TSPEAR: variants seen among roughly 807,000 people sequenced by gnomAD.
TSPEAR encodes the protein thrombospondin-type laminin G domain and EAR repeat-containing protein.
TSPEAR carries 69 observed loss-of-function variants against 71.6 expected under a neutral mutation model. The observed-to-expected ratio is 0.96, with a 90% CI of 0.79 to 1.18. The LOEUF is 1.18. Ranked by LOEUF, TSPEAR falls within the 50% of genes most tolerant of loss-of-function variation. The pLI, the probability that TSPEAR is intolerant of heterozygous loss-of-function variation, is 0.00. For synonymous variants in TSPEAR, 402 were observed against 387.2 expected, an observed-to-expected ratio of 1.04 and a Z score of -0.45; for missense variants, 971 against 894.9, an observed-to-expected ratio of 1.09 and a Z score of -1.09.
At chr21:44,670,855 AC>A (rs1555945789) in intron 1 of TSPEAR, among the ~76,000 whole-genome samples, 3 of 152,148 alleles carry the variant, frequency 2.0e-5, no homozygotes. Flanking sequence ...GCCGAATCCC[AC>A]AACCCCCACC....
intron 2 of TSPEAR, among the ~76,000 whole-genome samples, chr21:44,547,796 C>G (rs1247332268): frequency 6.6e-6 from 1 of 150,816 alleles, no homozygotes; most frequent in Non-Finnish European, 1.5e-5. Context: ...TCTTCACTTC[C>G]TGCTTGCACC....
rs1185991767 is a variant in TSPEAR, at chr21:44,687,510, G to A, written c.82+23923C>T. 2.6e-5 allele frequency among the ~76,000 whole-genome samples: 4 copies of A among 152,212 alleles called. No individual in the cohort carries two copies. Among genetic ancestry groups the A allele is most frequent in the African/African-American group, 7.2e-5 (3 of 41,448 alleles). ...GGAACGCATCGCAGAAACACCGCGC[G>A]GGGTGGGAGAGGCCGGCACCAGAGG... is the stretch of plus-strand genomic sequence containing the variant. On this transcript the variant is annotated intron_variant, in intron 1 of 11. Transcript: ENST00000323084. This position sits in a 1 kb window ranked among gnomAD's most constrained non-coding sequence, Gnocchi z 4.4.
At chr21:44,572,465 G>A (rs1243545249) in intron 1 of TSPEAR, among the ~76,000 whole-genome samples, 1 of 152,102 alleles carries the variant, frequency 6.6e-6, no homozygotes, top group Non-Finnish European at 1.5e-5. Flanking sequence ...ACGAGGTCAA[G>A]CCACACCTCA....
intron 11 of TSPEAR, among the ~76,000 whole-genome samples, chr21:44,501,226 G>A (rs968776755): frequency 6.6e-6 from 1 of 152,170 alleles, no homozygotes; most frequent in African/African-American, 2.4e-5. Context: ...GAGGCGGGCA[G>A]ATCACTTGAG....
intron 1 of TSPEAR, among the ~76,000 whole-genome samples, chr21:44,696,236 A>G (rs1987326727): frequency 6.6e-6 from 1 of 152,094 alleles, no homozygotes; most frequent in African/African-American, 2.4e-5. Context: ...CATCAATCCC[A>G]CACCGCCATG....
At chr21:44,554,608 A>G (rs2053496703) in intron 2 of TSPEAR, among the ~76,000 whole-genome samples, 1 of 152,256 alleles carries the variant, frequency 6.6e-6, no homozygotes, top group Non-Finnish European at 1.5e-5. Context: ...ATTGAATGGC[A>G]GTGATAATAT....
chr21:44,709,845 T>C (rs1191454902), intron 1 of TSPEAR, among the ~76,000 whole-genome samples: 7 of 152,256 alleles, frequency 4.6e-5, no homozygotes, highest in Admixed American at 4.6e-4. Flanking sequence ...GGCTGGCCCT[T>C]ATGCTAGTCT....
chr21:44,685,726 C>G (rs2838635), intron 1 of TSPEAR, among the ~76,000 whole-genome samples: 74,808 of 151,980 alleles, frequency 0.49, 18,560 homozygotes, highest in South Asian at 0.55. Context: ...CTTATTGAAC[C>G]CTCTACCCCC....
chr21:44,681,893 C>G, intron 1 of TSPEAR: 1 of 1,614,140 alleles, frequency 6.2e-7, no homozygotes, highest in Non-Finnish European at 8.5e-7. Flanking sequence ...TGCAGGAAGG[C>G]TGGCAGCACC....
rs1979228822 is a variant in TSPEAR, at chr21:44,584,711, C to T, written c.83-16706G>A. 2.0e-5 allele frequency among the ~76,000 whole-genome samples: 3 copies of T among 152,154 alleles called. No individual in the cohort carries two copies. The South Asian group carries it at 6.2e-4, about 32-fold the overall frequency. On this transcript the variant is annotated intron_variant, in intron 1 of 11. Transcript: ENST00000323084. ...GAAGATCTCTGTCTTCTTCTGAGCT[C>T]TGGAATATTTCAAGTATCACAGGAA...
intron 1 of TSPEAR, chr21:44,600,748 G>A (rs376631519): frequency 2.5e-5 from 40 of 1,610,114 alleles, no homozygotes; most frequent in African/African-American, 1.7e-4. Context: ...GAGCTGCTGC[G>A]AGCCCCCCTG....
At position 44,658,032 on chromosome 21, in the gene TSPEAR, G is replaced by A. The variant is rs1555942896; in HGVS notation, c.82+53401C>T. On this transcript the variant is annotated intron_variant, in intron 1 of 11. Coordinates refer to ENST00000323084, the MANE Select transcript of TSPEAR (RefSeq NM_144991.3). Reference sequence around the variant, plus strand: ...TGCCAGCCAACCTGCTGCATACACAGCCCCTGCCAGGCATCCTGCTATGTG... The same window carrying A: ...TGCCAGCCAACCTGCTGCATACACAACCCCTGCCAGGCATCCTGCTATGTG... 2.5e-6 allele frequency: 4 copies of A among 1,613,968 alleles called. No homozygotes were observed. In the South Asian group the frequency reaches 4.4e-5, roughly 18 times the overall value.
intron 1 of TSPEAR, among the ~76,000 whole-genome samples, chr21:44,635,429 G>C (rs1340682383): frequency 6.6e-6 from 1 of 151,562 alleles, no homozygotes; most frequent in Non-Finnish European, 1.5e-5. Flanking sequence ...AAGTGCATTA[G>C]CAGATGAATG....
chr21:44,568,729 T>C (rs1601425033), intron 1 of TSPEAR, among the ~76,000 whole-genome samples: 1 of 149,456 alleles, frequency 6.7e-6, no homozygotes, highest in Admixed American at 6.6e-5. Context: ...GACTGATGCC[T>C]GGACCCTCCT....
At chr21:44,538,122 A>G (rs1012786613) in intron 2 of TSPEAR, among the ~76,000 whole-genome samples, 1 of 152,186 alleles carries the variant, frequency 6.6e-6, no homozygotes, top group African/African-American at 2.4e-5. Flanking sequence ...GGGTGACTGC[A>G]GCATCCCAGG....
chr21:44,697,592 TGCTGCCAGCAGTCTA>T, intron 1 of TSPEAR: 1 of 1,614,004 alleles, frequency 6.2e-7, no homozygotes, highest in Non-Finnish European at 8.5e-7. Context: ...TTCTTCTTCA[TGCTGCCAGCAGTCTA>T]GCTGCCAGCC....
At chr21:44,637,302 A>T in intron 1 of TSPEAR, 1 of 1,399,520 alleles carries the variant, frequency 7.1e-7, no homozygotes, top group Non-Finnish European at 9.7e-7. Context: ...TCCTGCTGGG[A>T]AAACACAGGC....
At chr21:44,597,522 T>A (rs953106212) in intron 1 of TSPEAR, among the ~76,000 whole-genome samples, 1 of 150,778 alleles carries the variant, frequency 6.6e-6, no homozygotes, top group Admixed American at 6.6e-5. Context: ...AACTTCCACC[T>A]CCTGGGTTCA....
chr21:44,564,790 G>A (rs2053681651), intron 2 of TSPEAR, among the ~76,000 whole-genome samples: 1 of 151,796 alleles, frequency 6.6e-6, no homozygotes, highest in East Asian at 1.9e-4. Context: ...AAGTCTAGCA[G>A]ACACCTTTAG....
Sources: allele counts gnomAD v4.1 joint callset (sites outside exome capture counted in the v4.1 genomes callset), GRCh38; gene constraint gnomAD v4.1.1; non-coding constraint Gnocchi (gnomAD v3.1); transcripts MANE v1.5; gene names NCBI Gene and HGNC (gene_info 2026-07-23, HGNC 2026-07-21).